The following RYR3 variants were observed in gnomAD, a reference collection of about 807,000 sequenced individuals.
The protein encoded by RYR3 is ryanodine receptor 3.
In RYR3, 207 loss-of-function variants were observed where a neutral mutation model predicts 584.3. The ratio of observed to expected loss-of-function variants is 0.35; its 90% CI spans 0.32 to 0.40. The LOEUF (loss-of-function observed/expected upper bound fraction) is 0.40, where lower values mean the gene tolerates loss of function less well. Among genes scored for constraint, RYR3 ranks in the 10% least tolerant of loss-of-function variants. The pLI is 1.00. For missense variants in RYR3, 5,616 were observed against 6,089.2 expected, an observed-to-expected ratio of 0.92 and a Z score of 2.59; for synonymous variants, 2,416 against 2,248.5, an observed-to-expected ratio of 1.07 and a Z score of -2.11.
chr15:33,380,863 G>A (rs971304189), intron 1 of RYR3, among the ~76,000 whole-genome samples: 2 of 152,166 alleles, frequency 1.3e-5, no homozygotes, highest in Admixed American at 6.5e-5. Flanking sequence ...CAGTATCATG[G>A]CAATCAAGCC....
At chr15:33,859,492 C>G (rs1211049514) in intron 99 of RYR3, 83 bp from the exon 100 acceptor site, 6 of 1,513,164 alleles carry the variant, frequency 4.0e-6, no homozygotes, top group East Asian at 4.5e-5. Context: ...CACAATCTGA[C>G]CGAATCATAT....
chr15:33,810,883 G>A lies in RYR3; in HGVS notation c.10198-95G>A, dbSNP rs2076494688. 4 of 1,178,670 alleles carry A rather than the reference G, an allele frequency of 3.4e-6. No homozygotes were observed. The Middle Eastern group carries it at 5.7e-4, about 169-fold the overall frequency. The allele number at this position is 1,178,670 out of a possible 1,614,324, so 73.0% of individuals were successfully genotyped here. On this transcript the variant is annotated intron_variant, in intron 71 of 103. Coordinates refer to ENST00000634891, the MANE Select transcript of RYR3 (RefSeq NM_001036.6). Reference sequence around the variant, plus strand: ...TTTTGTTCTTCTGATAAAGATCCCAGTGAAACTGTGCGTTGACTCTCCATA... The same window carrying A: ...TTTTGTTCTTCTGATAAAGATCCCAATGAAACTGTGCGTTGACTCTCCATA...
chr15:33,780,183 A>G, intron 64 of RYR3, 28 bp from the exon 65 acceptor site: 1 of 1,609,544 alleles, frequency 6.2e-7, no homozygotes, highest in Non-Finnish European at 8.5e-7. Context: ...GGGGGGCCAC[A>G]CTTCTCAATG....
intron 102 of RYR3, among the ~76,000 whole-genome samples, chr15:33,862,440 C>G (rs1400704319): frequency 6.6e-6 from 1 of 151,984 alleles, no homozygotes; most frequent in African/African-American, 2.4e-5. Context: ...CTCCTGAGCT[C>G]AAGCTATCCA....
chr15:33,329,520 C>T (rs1416448087), intron 1 of RYR3, among the ~76,000 whole-genome samples: 3 of 152,076 alleles, frequency 2.0e-5, no homozygotes, highest in African/African-American at 7.2e-5. Flanking sequence ...AATTGATGTT[C>T]CTGAAAGGAG....
chr15:33,720,187 G>A (rs1028531909), intron 43 of RYR3, among the ~76,000 whole-genome samples: 1 of 152,262 alleles, frequency 6.6e-6, no homozygotes, highest in East Asian at 1.9e-4. Flanking sequence ...CTTGGATTTT[G>A]CCCACAGTGC....
chr15:33,527,440 T>C (rs117388781), intron 3 of RYR3, among the ~76,000 whole-genome samples: 3,879 of 151,956 alleles, frequency 0.026, 64 homozygotes, highest in Non-Finnish European at 0.04. Context: ...ATTAGCTGGG[T>C]GTGGCAGTGC....
At chr15:33,635,883 C>G (rs2061474417) in intron 26 of RYR3, 64 bp downstream of exon 26, 2 of 1,415,308 alleles carry the variant, frequency 1.4e-6, no homozygotes, top group Admixed American at 2.0e-5. Context: ...AAACATTTTT[C>G]TGGAAGCTCA....
At chr15:33,453,359 T>C (rs923005783) in intron 1 of RYR3, among the ~76,000 whole-genome samples, 2 of 152,222 alleles carry the variant, frequency 1.3e-5, no homozygotes, top group Non-Finnish European at 2.9e-5. Context: ...AAAAGTACTT[T>C]AGCTGCTTGG....
At chr15:33,381,859 G>C (rs940733124) in intron 1 of RYR3, among the ~76,000 whole-genome samples, 2 of 152,112 alleles carry the variant, frequency 1.3e-5, no homozygotes, top group South Asian at 2.1e-4. Context: ...ATTCAGACTC[G>C]CCCCATCTTC....
intron 2 of RYR3, among the ~76,000 whole-genome samples, chr15:33,492,401 T>C (rs2051038576): frequency 6.6e-6 from 1 of 151,998 alleles, no homozygotes; most frequent in East Asian, 1.9e-4. Flanking sequence ...TCTGTCCATG[T>C]ACTGCTGCTA....
At chr15:33,764,562 A>G (rs78319531) in intron 60 of RYR3, among the ~76,000 whole-genome samples, 5,498 of 149,426 alleles carry the variant, frequency 0.037, 332 homozygotes, top group African/African-American at 0.13. Flanking sequence ...TGTGTCCCAG[A>G]ACTTAAACCA....
At chr15:33,581,778 C>G (rs2058606495) in intron 14 of RYR3, 135 bp downstream of exon 14, 1 of 759,374 alleles carries the variant, frequency 1.3e-6, no homozygotes, top group South Asian at 1.8e-5. Context: ...CTTTTGTTAA[C>G]CATTCAATTT....
chr15:33,410,540 A>T (rs2141477157), intron 1 of RYR3, among the ~76,000 whole-genome samples: 3 of 152,364 alleles, frequency 2.0e-5, no homozygotes, highest in Middle Eastern at 6.8e-3. Flanking sequence ...CAGGTGAAGA[A>T]AGCCGATGTC....
At chr15:33,348,768 G>A (rs994597217) in intron 1 of RYR3, among the ~76,000 whole-genome samples, 6 of 151,334 alleles carry the variant, frequency 4.0e-5, no homozygotes, top group Non-Finnish European at 5.9e-5. Flanking sequence ...GAGCCACTGC[G>A]CCTGGCCTAA....
chr15:33,772,032 A>G lies in RYR3; in HGVS notation c.8929A>G (p.Thr2977Ala), dbSNP rs776244165. Residue 2977 changes from threonine (T) to alanine (A), a missense_variant, in exon 63 of 104, where the codon ACC becomes GCC. Coordinates refer to ENST00000634891, the MANE Select transcript of RYR3 (RefSeq NM_001036.6). The stretch of plus-strand genomic sequence containing the variant: ...AGAAAACCTGAAACTTGGGAAGTTC[A>G]CCCATTCCCGAACGCAGATTAAAGG... Reference protein sequence around the residue: ...TSENLKLGKFTHSRTQIKGVS... With the variant: ...TSENLKLGKFAHSRTQIKGVS... The G allele has an allele frequency of 6.2e-7, 1 of 1,613,656 alleles. No individual in the cohort carries two copies. The highest frequency in any genetic ancestry group is 8.5e-7 in the Non-Finnish European group (1 of 1,179,708).
At chr15:33,400,870 T>A (rs1344166876) in intron 1 of RYR3, among the ~76,000 whole-genome samples, 1 of 152,180 alleles carries the variant, frequency 6.6e-6, no homozygotes, top group Admixed American at 6.5e-5. Flanking sequence ...GCAGTACCCT[T>A]TTCTTACCTC....
chr15:33,685,927 G>T (rs1451059900), intron 38 of RYR3, among the ~76,000 whole-genome samples: 4 of 152,078 alleles, frequency 2.6e-5, no homozygotes, highest in Non-Finnish European at 5.9e-5. Flanking sequence ...AGAATCTCTG[G>T]GACACATTTA....
intron 9 of RYR3, 68 bp from the exon 10 acceptor site, chr15:33,550,092 A>C (rs536826848): frequency 3.6e-4 from 536 of 1,492,182 alleles, no homozygotes; most frequent in Middle Eastern, 5.4e-4. Flanking sequence ...GTAAGAAAGC[A>C]TAGGATAAAT....
Sources: gnomAD v4.1 joint callset for allele counts (sites outside exome capture counted in the v4.1 genomes callset) on GRCh38, gnomAD v4.1.1 for gene constraint, MANE v1.5 for transcripts, NCBI Gene and HGNC (gene_info 2026-07-23, HGNC 2026-07-21) for gene names.